Variants in NRXN1 observed in about 807,000 individuals in gnomAD.
NRXN1 encodes the protein neurexin 1, also known as neurexin-1.
A neutral mutation model predicts 150.9 loss-of-function variants in NRXN1; 39 were observed. That is an observed-to-expected ratio of 0.26 (90% CI 0.20 to 0.34). The LOEUF is 0.34. Among genes scored for constraint, NRXN1 ranks in the 10% least tolerant of loss-of-function variants. The pLI, the probability that NRXN1 is intolerant of heterozygous loss-of-function variation, is 1.00. For missense variants in NRXN1, 1,815 were observed against 1,949.9 expected (o/e 0.93, Z 1.30); for synonymous variants, 924 against 757.0 (o/e 1.22, Z -3.62).
intron 5 of NRXN1, among the ~76,000 whole-genome samples, chr2:50,638,696 A>C (rs866951381): frequency 1.1e-4 from 16 of 152,248 alleles, no homozygotes; most frequent in Middle Eastern, 3.4e-3. Flanking sequence ...ACCAAATACC[A>C]TATTAAAACA....
At chr2:50,484,731 T>C (rs964337028) in intron 15 of NRXN1, among the ~76,000 whole-genome samples, 6 of 152,134 alleles carry the variant, frequency 3.9e-5, no homozygotes, top group African/African-American at 9.7e-5. Flanking sequence ...AGAACCAATA[T>C]ATAGATGCTA....
chr2:50,413,107 T>TCTG (rs1273918435), intron 17 of NRXN1, among the ~76,000 whole-genome samples: 1 of 152,092 alleles, frequency 6.6e-6, no homozygotes, highest in Non-Finnish European at 1.5e-5. Flanking sequence ...TTAAAAAGCT[T>TCTG]CTGCACAGAA....
At chr2:49,944,220 G>A (rs1293402330) in intron 21 of NRXN1, among the ~76,000 whole-genome samples, 1 of 152,160 alleles carries the variant, frequency 6.6e-6, no homozygotes, top group Non-Finnish European at 1.5e-5. Flanking sequence ...TTACACTCAC[G>A]ACTATGTAGA....
At chr2:50,471,059 T>C (rs2089407764) in intron 16 of NRXN1, among the ~76,000 whole-genome samples, 1 of 151,920 alleles carries the variant, frequency 6.6e-6, no homozygotes, top group Non-Finnish European at 1.5e-5. Flanking sequence ...TTTTTTCTTT[T>C]GTTATATGCT....
intron 22 of NRXN1, among the ~76,000 whole-genome samples, chr2:49,922,632 A>C (rs1668428341): frequency 6.6e-6 from 1 of 152,184 alleles, no homozygotes; most frequent in African/African-American, 2.4e-5. Context: ...AATCATAAGA[A>C]TCAAATAGGT....
chr2:50,210,894 T>C (rs2152843658), intron 18 of NRXN1, among the ~76,000 whole-genome samples: 1 of 151,796 alleles, frequency 6.6e-6, no homozygotes, highest in African/African-American at 2.4e-5. Flanking sequence ...TTCACATACA[T>C]AAGACTTGCA....
chr2:50,660,795 A>C (rs1687188293), intron 5 of NRXN1, among the ~76,000 whole-genome samples: 1 of 152,022 alleles, frequency 6.6e-6, no homozygotes, highest in South Asian at 2.1e-4. Flanking sequence ...AACCTCACGT[A>C]GTCCATTCAT....
At chr2:50,352,708 T>C (rs1274201645) in intron 17 of NRXN1, among the ~76,000 whole-genome samples, 5 of 150,468 alleles carry the variant, frequency 3.3e-5, no homozygotes, top group African/African-American at 1.2e-4. Flanking sequence ...TCTGGATTAT[T>C]GCAGGTCCCT....
chr2:50,023,405 C>A (rs1024477902), intron 21 of NRXN1: 2 of 152,046 alleles, frequency 1.3e-5, no homozygotes, highest in Non-Finnish European at 2.9e-5. Flanking sequence ...AAAAGGAACC[C>A]AAGAACATTT....
intron 18 of NRXN1, among the ~76,000 whole-genome samples, chr2:50,229,196 T>C (rs912669185): frequency 2.6e-5 from 4 of 152,082 alleles, no homozygotes; most frequent in Non-Finnish European, 5.9e-5. Flanking sequence ...TCAGCATTAA[T>C]AGGATTCTAA....
chr2:50,377,528 C>T (rs985712520), intron 17 of NRXN1, among the ~76,000 whole-genome samples: 13 of 152,184 alleles, frequency 8.5e-5, no homozygotes, highest in African/African-American at 2.9e-4. Flanking sequence ...GATTCCATGT[C>T]TTTTTTATTA....
rs192187461 is a variant in NRXN1 at position 50,325,609 on chromosome 2, G to C, written c.3365-88639C>G. ...AGATTTTCCTAACTCCAAGTCTACT[G>C]TCTTATTCTCATGGCCAATTTTAAT... On this transcript the variant is annotated intron_variant, in intron 17 of 22. Coordinates refer to ENST00000401669, the MANE Select transcript of NRXN1 (RefSeq NM_001330078.2). 1.1e-4 allele frequency among the ~76,000 whole-genome samples: 16 copies of C among 152,284 alleles called. No homozygotes were observed. In the East Asian group the frequency reaches 3.1e-3, roughly 29 times the overall value.
At chr2:49,979,676 G>A (rs1302789616) in intron 21 of NRXN1, among the ~76,000 whole-genome samples, 2 of 152,108 alleles carry the variant, frequency 1.3e-5, no homozygotes, top group African/African-American at 4.8e-5. Context: ...ACTGTTTTCA[G>A]TTTTTAAGAG....
intron 2 of NRXN1, among the ~76,000 whole-genome samples, chr2:50,986,294 C>A (rs998146120): frequency 2.6e-5 from 4 of 151,604 alleles, no homozygotes; most frequent in African/African-American, 9.7e-5. Flanking sequence ...CAGTAGTTTG[C>A]TCTTGGGAAT....
rs1476513650 is a variant in NRXN1 at position 50,801,938 on chromosome 2, C to G, written c.832+119931G>C. Among the ~76,000 whole-genome samples, 8 of 152,064 alleles carry G rather than the reference C, an allele frequency of 5.3e-5. No homozygotes were observed. The East Asian group carries it at 1.5e-3, about 29-fold the overall frequency. ...CATGTGCATCCTCAAGTATATGTGA[C>G]CAAAGGTTTTTAAGCCATAATATCA... is the stretch of plus-strand genomic sequence containing the variant. On this transcript the variant is annotated intron_variant, in intron 5 of 22. Coordinates refer to ENST00000401669, the MANE Select transcript of NRXN1 (RefSeq NM_001330078.2).
chr2:51,018,499 T>G (rs77851994), intron 2 of NRXN1, among the ~76,000 whole-genome samples: 1 of 152,108 alleles, frequency 6.6e-6, no homozygotes, highest in Non-Finnish European at 1.5e-5. Flanking sequence ...AGGGCATTCA[T>G]CTTTCCAACT....
chr2:50,664,408 T>TGC (rs1687725422), intron 5 of NRXN1, among the ~76,000 whole-genome samples: 1 of 138,376 alleles, frequency 7.2e-6, no homozygotes, highest in South Asian at 2.2e-4. Flanking sequence ...TGTGTGTGTG[T>TGC]GTGTGTGTGT....
chr2:50,390,184 A>G (rs879815600), intron 17 of NRXN1, among the ~76,000 whole-genome samples: 56 of 152,152 alleles, frequency 3.7e-4, no homozygotes, highest in South Asian at 1.0e-3. Context: ...ATGTAAGCTA[A>G]TAAGTTATAG....
intron 17 of NRXN1, among the ~76,000 whole-genome samples, chr2:50,300,034 A>G (rs2074007100): frequency 6.6e-6 from 1 of 152,178 alleles, no homozygotes; most frequent in African/African-American, 2.4e-5. Context: ...TGAATATGAA[A>G]TAGAAGGTAG....
Sources: gnomAD v4.1 joint callset for allele counts (sites outside exome capture counted in the v4.1 genomes callset) on GRCh38, gnomAD v4.1.1 for gene constraint, MANE v1.5 for transcripts, NCBI Gene and HGNC (gene_info 2026-07-23, HGNC 2026-07-21) for gene names.